TMEM87B: variants seen among roughly 807,000 people sequenced by gnomAD.
TMEM87B encodes the protein transmembrane protein 87B.
Under a neutral mutation model 80.3 loss-of-function variants are expected in TMEM87B, and 83 were observed. That is an observed-to-expected ratio of 1.03 (90% CI 0.87 to 1.24). The LOEUF (loss-of-function observed/expected upper bound fraction) is 1.24. Ranked by LOEUF, TMEM87B falls within the 50% of genes most tolerant of loss-of-function variation. The pLI, the probability that TMEM87B is intolerant of heterozygous loss-of-function variation, is 0.00. For synonymous variants in TMEM87B, 219 were observed against 230.5 expected, an observed-to-expected ratio of 0.95 and a Z score of 0.45; for missense variants, 625 against 674.4, an observed-to-expected ratio of 0.93 and a Z score of 0.81.
Position 112,119,187 on chromosome 2 carries a change from T to C in TMEM87B, c.*3044T>C, listed in dbSNP as rs1158044437. 1 of 152,174 alleles carries C rather than the reference T, an allele frequency of 6.6e-6. No homozygotes were observed. The highest frequency in any genetic ancestry group is 1.5e-5 in the Non-Finnish European group (1 of 67,998). The allele number at this position is 152,174 out of a possible 1,614,324, so 9.4% of individuals were successfully genotyped here. On this transcript the variant is annotated 3_prime_UTR_variant, in exon 19 of 19. Coordinates refer to ENST00000283206, the MANE Select transcript of TMEM87B (RefSeq NM_032824.3). ...ATTTTTCTATTTTAAAAAGTTAAAT[T>C]ATTCCGTAATTTGGAAGAAGTTTCG... is the stretch of plus-strand genomic sequence containing the variant.
At chr2:112,085,700 C>T (rs1194692956) in intron 8 of TMEM87B, among the ~76,000 whole-genome samples, 2 of 152,118 alleles carry the variant, frequency 1.3e-5, no homozygotes, top group African/African-American at 4.8e-5. Flanking sequence ...ATTTACAGGA[C>T]AAGAAGAGAG....
intron 13 of TMEM87B, 57 bp from the exon 14 acceptor site, chr2:112,098,538 A>G: frequency 6.6e-7 from 1 of 1,514,792 alleles, no homozygotes; most frequent in Non-Finnish European, 9.2e-7. Context: ...TTTGAATGGG[A>G]AACCTATATG....
chr2:112,069,178 G>T (rs1678545273), intron 4 of TMEM87B, among the ~76,000 whole-genome samples: 1 of 123,908 alleles, frequency 8.1e-6, no homozygotes. Context: ...TGGCCTGGGC[G>T]ACAGAGCGAG....
At chr2:112,104,601 T>C (rs1229686492) in intron 15 of TMEM87B, among the ~76,000 whole-genome samples, 2 of 152,194 alleles carry the variant, frequency 1.3e-5, no homozygotes, top group Non-Finnish European at 2.9e-5. Flanking sequence ...AACAGCTGGC[T>C]CTCTCATACA....
chr2:112,115,663 T>G (rs1340028744), intron 18 of TMEM87B, among the ~76,000 whole-genome samples: 1 of 152,244 alleles, frequency 6.6e-6, no homozygotes, highest in Non-Finnish European at 1.5e-5. Context: ...AAATCCATTT[T>G]AGCTCTATTC....
chr2:112,057,824 A>G (rs956042363), intron 1 of TMEM87B, among the ~76,000 whole-genome samples: 4 of 139,164 alleles, frequency 2.9e-5, no homozygotes, highest in Admixed American at 2.2e-4. Flanking sequence ...GACCTGCCTC[A>G]GTCTTTTTTT....
intron 2 of TMEM87B, among the ~76,000 whole-genome samples, chr2:112,061,900 C>G (rs1025564881): frequency 1.3e-5 from 2 of 152,162 alleles, no homozygotes; most frequent in Admixed American, 6.6e-5. Context: ...ATGACCACAG[C>G]TATGACATGG....
rs1439658968 is a variant in TMEM87B at position 112,055,368 on chromosome 2, C to T, written c.-224C>T. On this transcript the variant is annotated 5_prime_UTR_variant, in exon 1 of 19. Transcript: ENST00000283206. ...CTGCCTTCCAGGCATCTCCCAGCTGCACGCTCGGGCCCGGCTCAGAGCCCT... is the reference window on the plus strand; with the variant it reads ...CTGCCTTCCAGGCATCTCCCAGCTGTACGCTCGGGCCCGGCTCAGAGCCCT... 1.5e-5 allele frequency: 8 copies of T among 527,522 alleles called. No individual in the cohort carries two copies. The highest frequency in any genetic ancestry group is 4.2e-5 in the Admixed American group (1 of 23,892). The allele number at this position is 527,522 out of a possible 1,614,324, so 32.7% of individuals were successfully genotyped here. A position where few individuals can be genotyped will look rare whatever the true frequency, so the allele number is the denominator to read the frequency against.
At chr2:112,074,189 T>C (rs1213215991) in intron 4 of TMEM87B, among the ~76,000 whole-genome samples, 1 of 152,192 alleles carries the variant, frequency 6.6e-6, no homozygotes, top group Non-Finnish European at 1.5e-5. Flanking sequence ...TACTTAAGTG[T>C]GTTTTTTTAG....
At chr2:112,071,931 G>A (rs1331616709) in intron 4 of TMEM87B, among the ~76,000 whole-genome samples, 1 of 151,862 alleles carries the variant, frequency 6.6e-6, no homozygotes, top group Non-Finnish European at 1.5e-5. Flanking sequence ...GTCATAGGTG[G>A]CTCTTATTAT....
chr2:112,091,786 ATCCTTTACTGTG>A lies in TMEM87B; in HGVS notation c.1104+9_1104+20del, dbSNP rs779079191. ...TTGACTCCATTTTTGTGTGGTTCAT[ATCCTTTACTGTG>A]TCCTTCAAAATAGTTTGTTGTATCA... On this transcript the variant is annotated splice_donor_5th_base_variant and intron_variant, in intron 11 of 18. Coordinates refer to ENST00000283206, the MANE Select transcript of TMEM87B (RefSeq NM_032824.3). The A allele has an allele frequency of 3.1e-6, 5 of 1,601,080 alleles. No homozygotes were observed. Among genetic ancestry groups the A allele is most frequent in the East Asian group, 4.5e-5 (2 of 44,744 alleles).
chr2:112,090,627 A>G (rs145274492), intron 10 of TMEM87B, among the ~76,000 whole-genome samples: 23 of 152,212 alleles, frequency 1.5e-4, no homozygotes, highest in Middle Eastern at 6.8e-3. Flanking sequence ...GGGTCTCACT[A>G]TGTTGCCCAA....
At chr2:112,105,621 G>C (rs772479574) in intron 15 of TMEM87B, among the ~76,000 whole-genome samples, 9 of 152,148 alleles carry the variant, frequency 5.9e-5, no homozygotes, top group Non-Finnish European at 7.3e-5. Context: ...TTGTACATCA[G>C]GGATGTAAAG....
intron 1 of TMEM87B, among the ~76,000 whole-genome samples, chr2:112,058,382 G>A (rs546032263): frequency 2.6e-5 from 4 of 152,196 alleles, no homozygotes; most frequent in Admixed American, 1.3e-4. Flanking sequence ...AGGACTGGAG[G>A]GGGTAGTGAG....
At position 112,116,299 on chromosome 2, in the gene TMEM87B, A is replaced by G; in HGVS notation, c.*156A>G. The G allele has an allele frequency of 1.6e-6, 1 of 615,796 alleles. No individual in the cohort carries two copies. Among genetic ancestry groups the G allele is most frequent in the Middle Eastern group, 4.3e-4 (1 of 2,316 alleles). The allele number at this position is 615,796 out of a possible 1,614,324, so 38.1% of individuals were successfully genotyped here. On this transcript the variant is annotated 3_prime_UTR_variant, in exon 19 of 19. Transcript: ENST00000283206. The stretch of plus-strand genomic sequence containing the variant: ...GAATTCAGATGGTAGGAGGTTCTAT[A>G]GTCCTTTTAAAGCTGACTCTTGAGT...
rs1234548785 is a variant in TMEM87B at position 112,100,575 on chromosome 2, A to G, written c.1377-47A>G. 11 of 1,262,226 alleles carry G rather than the reference A, an allele frequency of 8.7e-6. No individual in the cohort carries two copies. In the Admixed American group the frequency reaches 1.3e-4, roughly 15 times the overall value. The allele number at this position is 1,262,226 out of a possible 1,614,324, so 78.2% of individuals were successfully genotyped here. ...GCTTTTAGATATAAACTGAAAATTGAACAAGTTTAAACATACTAGTAAAAC... is the reference window on the plus strand; with the variant it reads ...GCTTTTAGATATAAACTGAAAATTGGACAAGTTTAAACATACTAGTAAAAC... On this transcript the variant is annotated intron_variant, in intron 14 of 18. Transcript: ENST00000283206.
rs1384095269 is a variant in TMEM87B at position 112,055,747 on chromosome 2, A to C, written c.156A>C (p.Thr52=). ...AVPELGLWLE[T]VNDKSGPLIF... ...CTGAGCTCGGGCTCTGGTTAGAGAC[A>C]GTCAACGACGTAAGTGGAGTGTCGG... The change falls in exon 1 of 19, where the codon ACA becomes ACC. Residue 52 remains threonine, a synonymous_variant. Coordinates refer to ENST00000283206, the MANE Select transcript of TMEM87B (RefSeq NM_032824.3). 8.0e-6 allele frequency: 12 copies of C among 1,492,544 alleles called. No individual in the cohort carries two copies. The South Asian group carries it at 1.5e-4, about 19-fold the overall frequency. 92.5% of individuals were successfully genotyped at this position (1,492,544 alleles called of 1,614,324 possible).
chr2:112,057,582 TG>T (rs1365108016), intron 1 of TMEM87B, among the ~76,000 whole-genome samples: 1 of 151,958 alleles, frequency 6.6e-6, no homozygotes, highest in African/African-American at 2.4e-5. Flanking sequence ...GGCCAAGAAA[TG>T]GTTCTTTTGA....
At chr2:112,073,405 G>T (rs1465474204) in intron 4 of TMEM87B, among the ~76,000 whole-genome samples, 1 of 152,158 alleles carries the variant, frequency 6.6e-6, no homozygotes, top group Non-Finnish European at 1.5e-5. Context: ...CCATGCAATT[G>T]TACGGTTTCG....
Sources: gnomAD v4.1 joint callset for allele counts (sites outside exome capture counted in the v4.1 genomes callset) on GRCh38, gnomAD v4.1.1 for gene constraint, MANE v1.5 for transcripts, NCBI Gene and HGNC (gene_info 2026-07-23, HGNC 2026-07-21) for gene names.